MIR2052HG: variants seen among roughly 807,000 people sequenced by gnomAD.
MIR2052HG encodes the protein MIR2052 host gene.
chr8:74,741,674 T>C (rs564846159), intron 4 of MIR2052HG, among the ~76,000 whole-genome samples: 1 of 152,306 alleles, frequency 6.6e-6, no homozygotes, highest in South Asian at 2.1e-4. Flanking sequence ...AATACTGAAC[T>C]CACGGCCAAC....
chr8:74,649,250 A>G (rs559760089), intron 2 of MIR2052HG, among the ~76,000 whole-genome samples: 4 of 152,312 alleles, frequency 2.6e-5, no homozygotes, highest in East Asian at 3.9e-4. Flanking sequence ...CACTTTATAG[A>G]GTTGTGAGTA....
chr8:74,661,444 G>T (rs753932255), intron 2 of MIR2052HG, among the ~76,000 whole-genome samples: 1 of 151,876 alleles, frequency 6.6e-6, no homozygotes, highest in East Asian at 1.9e-4. Flanking sequence ...CTCCTGATCC[G>T]CCCACCTCAG....
chr8:74,662,858 T>TTGTGTGTGTGTGTGTGTG (rs68089808), intron 2 of MIR2052HG, among the ~76,000 whole-genome samples: 4 of 144,198 alleles, frequency 2.8e-5, no homozygotes, highest in African/African-American at 7.6e-5. Flanking sequence ...AATGACTCAT[T>TTGTGTGTGTGTGTGTGTG]TGTGTGTGTG....
At chr8:74,618,814 A>T (rs1168631377) in intron 2 of MIR2052HG, among the ~76,000 whole-genome samples, 1 of 152,226 alleles carries the variant, frequency 6.6e-6, no homozygotes, top group Admixed American at 6.5e-5. Flanking sequence ...CAAAAGAAAG[A>T]AATAACATGC....
At chr8:74,659,218 G>T (rs1808836926) in intron 2 of MIR2052HG, among the ~76,000 whole-genome samples, 1 of 152,146 alleles carries the variant, frequency 6.6e-6, no homozygotes, top group Non-Finnish European at 1.5e-5. Context: ...GACTCAACGG[G>T]CTTCTTGGAC....
At chr8:74,611,474 C>A (rs759278689) in intron 1 of MIR2052HG, among the ~76,000 whole-genome samples, 3 of 152,110 alleles carry the variant, frequency 2.0e-5, no homozygotes, top group Non-Finnish European at 4.4e-5. Context: ...TTTAAAATGA[C>A]CCTTCCTAAA....
At chr8:74,638,083 T>C (rs1315117275) in intron 2 of MIR2052HG, among the ~76,000 whole-genome samples, 1 of 152,082 alleles carries the variant, frequency 6.6e-6, no homozygotes, top group East Asian at 1.9e-4. Flanking sequence ...ACAATGGGAA[T>C]CAGTGTACAC....
chr8:74,642,936 G>A (rs1459831912), intron 2 of MIR2052HG, among the ~76,000 whole-genome samples: 1 of 152,136 alleles, frequency 6.6e-6, no homozygotes, highest in Non-Finnish European at 1.5e-5. Context: ...TATCAGACAG[G>A]TAGAAATAGT....
At chr8:74,739,814 T>C (rs1411775883) in intron 4 of MIR2052HG, among the ~76,000 whole-genome samples, 3 of 152,174 alleles carry the variant, frequency 2.0e-5, no homozygotes, top group Admixed American at 6.6e-5. Context: ...ACTCTGTGTG[T>C]GCATGTTTTG....
At chr8:74,677,033 A>G (rs989435185) in intron 2 of MIR2052HG, among the ~76,000 whole-genome samples, 17 of 152,076 alleles carry the variant, frequency 1.1e-4, no homozygotes, top group Non-Finnish European at 2.4e-4. Context: ...AGAAATGTAA[A>G]AAGAACTTGT....
intron 4 of MIR2052HG, among the ~76,000 whole-genome samples, chr8:74,711,614 A>G (rs1809469200): frequency 1.3e-5 from 2 of 152,196 alleles, no homozygotes; most frequent in Non-Finnish European, 1.5e-5. Flanking sequence ...GTTTCCAATA[A>G]CAATACAATG....
At chr8:74,638,432 A>G (rs533125732) in intron 2 of MIR2052HG, among the ~76,000 whole-genome samples, 18 of 152,334 alleles carry the variant, frequency 1.2e-4, no homozygotes, top group African/African-American at 4.1e-4. Flanking sequence ...TGACACTATC[A>G]TACAGGCTGC....
chr8:74,747,661 A>T (rs567810147), intron 4 of MIR2052HG, among the ~76,000 whole-genome samples: 1 of 152,344 alleles, frequency 6.6e-6, no homozygotes, highest in East Asian at 1.9e-4. Flanking sequence ...CAAGAGTGAC[A>T]TTCTTGGTTA....
At chr8:74,629,005 G>A (rs948607873) in intron 2 of MIR2052HG, 2 of 152,004 alleles carry the variant, frequency 1.3e-5, no homozygotes, top group African/African-American at 4.8e-5. Flanking sequence ...CTTTTTAAAG[G>A]AAAATCCCCC....
chr8:74,741,987 C>G (rs1202111330), intron 4 of MIR2052HG, among the ~76,000 whole-genome samples: 1 of 152,154 alleles, frequency 6.6e-6, no homozygotes, highest in East Asian at 1.9e-4. Flanking sequence ...CTGTGTATAC[C>G]TGTGAATGAC....
Position 74,629,671 on chromosome 8 carries a change from CA to C in MIR2052HG, n.216+16732del, listed in dbSNP as rs147854562. Among the ~76,000 whole-genome samples, 1,236 of 152,246 alleles carry C rather than the reference CA, an allele frequency of 8.1e-3. 10 individuals carry two copies. Among genetic ancestry groups the C allele is most frequent in the African/African-American group, 0.028 (1,174 of 41,548 alleles). Reference sequence around the variant, plus strand: ...GGAAGCCTTTTGCAGCCAACACTCACAGAAGCTGGGGGTGGTGCATTGGCCC... The same window carrying C: ...GGAAGCCTTTTGCAGCCAACACTCACGAAGCTGGGGGTGGTGCATTGGCCC... On this transcript the variant is annotated intron_variant and non_coding_transcript_variant, in intron 2 of 6. Coordinates refer to ENST00000523442, the Ensembl canonical transcript of MIR2052HG.
rs1002337859 is a variant in MIR2052HG, at chr8:74,678,580, A to G, written n.217-23799A>G. Among the ~76,000 whole-genome samples the G allele has an allele frequency of 3.1e-3, 461 of 150,616 alleles. 3 individuals are homozygous for G. Among genetic ancestry groups the G allele is most frequent in the Admixed American group, 5.3e-3 (80 of 15,086 alleles). ...GTTTGTCTCAAAAAAAAAAAAAAAA[A>G]AAAAAAAAGGAAAGAATGATAACAA... On this transcript the variant is annotated intron_variant and non_coding_transcript_variant, in intron 2 of 6. Coordinates refer to ENST00000523442, the Ensembl canonical transcript of MIR2052HG.
chr8:74,669,718 G>A (rs1808970252), intron 2 of MIR2052HG, among the ~76,000 whole-genome samples: 1 of 152,056 alleles, frequency 6.6e-6, no homozygotes, highest in Admixed American at 6.6e-5. Context: ...CTTCTTGGGA[G>A]GCTTCTCTCC....
chr8:74,671,901 C>T (rs1276617926), intron 2 of MIR2052HG, among the ~76,000 whole-genome samples: 1 of 152,070 alleles, frequency 6.6e-6, no homozygotes, highest in African/African-American at 2.4e-5. Flanking sequence ...GCCTACCAAA[C>T]CAAACATTTG....
Sources: gnomAD v4.1 joint callset for allele counts (sites outside exome capture counted in the v4.1 genomes callset) on GRCh38, gnomAD v4.1.1 for gene constraint, MANE v1.5 for transcripts, NCBI Gene and HGNC (gene_info 2026-07-23, HGNC 2026-07-21) for gene names.